Variants in JARID2 observed in about 807,000 individuals in gnomAD.
The protein encoded by JARID2 is protein Jumonji.
A neutral mutation model predicts 125.6 loss-of-function variants in JARID2; 21 were observed. That is an observed-to-expected ratio of 0.17 (90% CI 0.12 to 0.24). The LOEUF (loss-of-function observed/expected upper bound fraction) is 0.24. Ranked by LOEUF, JARID2 falls within the 10% of genes least tolerant of loss-of-function variation. The pLI is 1.00. For missense variants in JARID2, 1,303 were observed against 1,639.6 expected, an observed-to-expected ratio of 0.79 and a Z score of 3.55; for synonymous variants, 736 against 661.6, an observed-to-expected ratio of 1.11 and a Z score of -1.73.
rs550248380 is a variant in JARID2, at chr6:15,288,414, A to G, written c.45+41830A>G. 1.1e-3 allele frequency among the ~76,000 whole-genome samples: 173 copies of G among 152,304 alleles called. 2 individuals are homozygous for G. Among genetic ancestry groups the G allele is most frequent in the African/African-American group, 4.0e-3 (166 of 41,570 alleles). On this transcript the variant is annotated intron_variant, in intron 1 of 17. Transcript: ENST00000341776. ...ACCAAGCCATGAGGGATCCACCCCTATGACCCAGACACTTCCTGCCAGGCC... is the reference window on the plus strand; with the variant it reads ...ACCAAGCCATGAGGGATCCACCCCTGTGACCCAGACACTTCCTGCCAGGCC...
At position 15,513,335 on chromosome 6, in the gene JARID2, C is replaced by T. The variant is rs747016873; in HGVS notation, c.3363C>T (p.Asp1121=). 5.1e-5 allele frequency: 83 copies of T among 1,612,964 alleles called. No homozygotes were observed. The highest frequency in any genetic ancestry group is 2.8e-4 in the Admixed American group (17 of 59,918). The change falls in exon 16 of 18, where the codon GAC becomes GAT. Residue 1121 remains aspartate (D), a synonymous_variant. Transcript: ENST00000341776. ...GSHDGSSTVA[D]GKKKPRKWLQ... ...ACGATGGCAGCAGCACGGTGGCGGA[C>T]GGGAAGAAAAAGCCTCGAAAGTGGC...
intron 1 of JARID2, among the ~76,000 whole-genome samples, chr6:15,322,716 T>A (rs1313164432): frequency 1.3e-5 from 2 of 152,160 alleles, no homozygotes; most frequent in Non-Finnish European, 2.9e-5. Flanking sequence ...AACAGCAAAT[T>A]AGGGAGCCAG....
chr6:15,390,899 C>A (rs1017435073), intron 2 of JARID2, among the ~76,000 whole-genome samples: 1 of 152,150 alleles, frequency 6.6e-6, no homozygotes, highest in Non-Finnish European at 1.5e-5. Context: ...AACTTGATAC[C>A]ACCATCTGTT....
chr6:15,332,135 G>A (rs1051363448), intron 1 of JARID2, among the ~76,000 whole-genome samples: 1 of 152,094 alleles, frequency 6.6e-6, no homozygotes, highest in African/African-American at 2.4e-5. Flanking sequence ...GGAAGGGTGG[G>A]GGGATTAGAA....
intron 1 of JARID2, among the ~76,000 whole-genome samples, chr6:15,298,705 C>T (rs1001483580): frequency 2.7e-5 from 4 of 150,914 alleles, no homozygotes; most frequent in Non-Finnish European, 5.9e-5. Flanking sequence ...GAAAAAATTT[C>T]CTTGAGTTTC....
intron 1 of JARID2, among the ~76,000 whole-genome samples, chr6:15,286,232 C>T (rs1343883383): frequency 6.6e-6 from 1 of 150,836 alleles, no homozygotes; most frequent in African/African-American, 2.4e-5. Flanking sequence ...GAATAGCAAT[C>T]TAATTTTATA....
At chr6:15,469,393 TTTCCCCCTCTCCCCC>T (rs1768952548) in intron 5 of JARID2, among the ~76,000 whole-genome samples, 1 of 41,710 alleles carries the variant, frequency 2.4e-5, no homozygotes, top group Admixed American at 3.4e-4. Context: ...CCTCTCCCCC[TTTCCCCCTCTCCCCC>T]TCTCCGCTTC....
rs6922927 is a variant in JARID2 at position 15,426,714 on chromosome 6, C to T, written c.323+16349C>T. Among the ~76,000 whole-genome samples, 1,100 of 152,218 alleles carry T rather than the reference C, an allele frequency of 7.2e-3. 14 individuals carry two copies. The highest frequency in any genetic ancestry group is 0.025 in the African/African-American group (1,046 of 41,526). On this transcript the variant is annotated intron_variant, in intron 3 of 17. Coordinates refer to ENST00000341776, the MANE Select transcript of JARID2 (RefSeq NM_004973.4). ...ACCTTAGTAAATGAAAAACAAACCC[C>T]AATCTTGCTTGCTTGCTGTTTTTCC...
chr6:15,446,210 C>A (rs1767665161), intron 3 of JARID2, among the ~76,000 whole-genome samples: 2 of 152,214 alleles, frequency 1.3e-5, no homozygotes, highest in Non-Finnish European at 2.9e-5. Context: ...TCCTTTCCAG[C>A]ATCTATGGAG....
chr6:15,459,979 A>G (rs1281044346), intron 4 of JARID2, among the ~76,000 whole-genome samples: 1 of 152,190 alleles, frequency 6.6e-6, no homozygotes, highest in African/African-American at 2.4e-5. Context: ...GTGGTACACA[A>G]CTTTTTTTGA....
intron 2 of JARID2, among the ~76,000 whole-genome samples, chr6:15,379,647 G>T (rs765213717): frequency 6.6e-6 from 1 of 152,190 alleles, no homozygotes; most frequent in South Asian, 2.1e-4. Context: ...CTTACCCCGG[G>T]CAGTAGTTGT....
intron 6 of JARID2, among the ~76,000 whole-genome samples, chr6:15,493,322 C>T (rs1210673843): frequency 2.0e-5 from 3 of 152,162 alleles, no homozygotes; most frequent in African/African-American, 4.8e-5. Context: ...AAGGGATTTA[C>T]ATTATTTTGA....
chr6:15,320,844 C>CTGTG (rs1224133607), intron 1 of JARID2, among the ~76,000 whole-genome samples: 9 of 136,720 alleles, frequency 6.6e-5, no homozygotes, highest in Admixed American at 3.6e-4. Context: ...TTCATTCTCT[C>CTGTG]TCTCTCTCTG....
chr6:15,303,498 C>G (rs912694451), intron 1 of JARID2, among the ~76,000 whole-genome samples: 6 of 152,250 alleles, frequency 3.9e-5, no homozygotes, highest in African/African-American at 1.4e-4. Flanking sequence ...TTGGTGGGTG[C>G]TTTTTAAGCC....
intron 1 of JARID2, among the ~76,000 whole-genome samples, chr6:15,363,201 G>C (rs368949060): frequency 5.3e-5 from 8 of 152,292 alleles, no homozygotes; most frequent in Middle Eastern, 3.4e-3. Context: ...TCTCATGGCA[G>C]TGAGAACAGT....
chr6:15,256,361 C>T (rs1386650593), intron 1 of JARID2, among the ~76,000 whole-genome samples: 1 of 152,170 alleles, frequency 6.6e-6, no homozygotes, highest in Non-Finnish European at 1.5e-5. Flanking sequence ...CACTTGACTC[C>T]TAAATACACC....
chr6:15,515,659 G>C (rs575199414), intron 16 of JARID2, among the ~76,000 whole-genome samples: 145 of 151,640 alleles, frequency 9.6e-4, no homozygotes, highest in Non-Finnish European at 1.8e-3. Context: ...GGTGGCGGGG[G>C]TATCACTTGA....
At chr6:15,349,684 C>G (rs12211777) in intron 1 of JARID2, among the ~76,000 whole-genome samples, 8,389 of 152,146 alleles carry the variant, frequency 0.055, 307 homozygotes, top group South Asian at 0.11. Context: ...GCAGAAACAC[C>G]GAGCTTCCCA....
intron 1 of JARID2, among the ~76,000 whole-genome samples, chr6:15,315,878 C>T (rs1055297801): frequency 6.6e-6 from 1 of 152,180 alleles, no homozygotes; most frequent in Non-Finnish European, 1.5e-5. Context: ...ACATGAGTTT[C>T]TCAGGGCTCC....
Sources: allele counts gnomAD v4.1 joint callset (sites outside exome capture counted in the v4.1 genomes callset), GRCh38; gene constraint gnomAD v4.1.1; transcripts MANE v1.5; gene names NCBI Gene and HGNC (gene_info 2026-07-23, HGNC 2026-07-21).